The following CSMD3 variants were observed in gnomAD, a reference collection of about 807,000 sequenced individuals.
CSMD3 encodes the protein CUB and sushi domain-containing protein 3.
In CSMD3, 177 loss-of-function variants were observed where a neutral mutation model predicts 435.2. The ratio of observed to expected loss-of-function variants is 0.41; its 90% CI spans 0.36 to 0.46. The LOEUF (loss-of-function observed/expected upper bound fraction) is 0.46. Ranked by LOEUF, CSMD3 falls within the 20% of genes least tolerant of loss-of-function variation. The pLI is 0.34. For missense variants in CSMD3, 4,265 were observed against 4,504.6 expected (o/e 0.95, Z 1.52); for synonymous variants, 1,656 against 1,520.5 (o/e 1.09, Z -2.07).
At chr8:112,471,729 T>C (rs1307329482) in intron 32 of CSMD3, among the ~76,000 whole-genome samples, 1 of 152,192 alleles carries the variant, frequency 6.6e-6, no homozygotes. Context: ...CTATCTCTAA[T>C]GATAAAATCC....
intron 38 of CSMD3, among the ~76,000 whole-genome samples, chr8:112,360,711 T>C (rs1450160125): frequency 1.3e-5 from 2 of 151,958 alleles, no homozygotes; most frequent in African/African-American, 4.8e-5. Flanking sequence ...GCAGAAAATT[T>C]AGAAGTACAG....
intron 32 of CSMD3, among the ~76,000 whole-genome samples, chr8:112,459,359 G>T (rs1817199270): frequency 3.2e-5 from 3 of 93,606 alleles, no homozygotes; most frequent in Admixed American, 8.9e-5. Flanking sequence ...GTGTGTGTGT[G>T]GGGGGGGGGG....
chr8:112,567,826 T>A (rs1829181532), intron 24 of CSMD3, among the ~76,000 whole-genome samples: 1 of 152,114 alleles, frequency 6.6e-6, no homozygotes, highest in Non-Finnish European at 1.5e-5. Flanking sequence ...TAGAAGGAAG[T>A]AGTAATTTTC....
intron 37 of CSMD3, among the ~76,000 whole-genome samples, chr8:112,382,027 A>C (rs535387061): frequency 6.6e-6 from 1 of 152,162 alleles, no homozygotes; most frequent in African/African-American, 2.4e-5. Context: ...TTACAATCCC[A>C]GCTAATCAGG....
chr8:112,939,938 A>G (rs1021402925), intron 9 of CSMD3, among the ~76,000 whole-genome samples: 13 of 152,012 alleles, frequency 8.6e-5, no homozygotes, highest in African/African-American at 3.1e-4. Flanking sequence ...TGGTAAGGAA[A>G]GAACTGCCAC....
intron 11 of CSMD3, among the ~76,000 whole-genome samples, chr8:112,844,692 T>C (rs76528171): frequency 0.032 from 4,918 of 151,968 alleles, 98 homozygotes; most frequent in Middle Eastern, 0.054. Context: ...AGAGACACCA[T>C]TAGTCTTGGA....
chr8:112,263,012 T>C (rs1342778659), intron 61 of CSMD3, among the ~76,000 whole-genome samples: 1 of 152,102 alleles, frequency 6.6e-6, no homozygotes. Flanking sequence ...TGAATGACTA[T>C]ACTGTCCAGA....
chr8:112,911,231 C>A (rs1377943884), intron 10 of CSMD3, among the ~76,000 whole-genome samples: 1 of 150,476 alleles, frequency 6.6e-6, no homozygotes, highest in Non-Finnish European at 1.5e-5. Flanking sequence ...CATCTTCCTT[C>A]TTTTATATTT....
chr8:113,409,099 T>A (rs2094546496), intron 1 of CSMD3, among the ~76,000 whole-genome samples: 1 of 146,362 alleles, frequency 6.8e-6, no homozygotes, highest in Non-Finnish European at 1.5e-5. Context: ...TTTTTTTTTT[T>A]TTGAGATGGA....
intron 3 of CSMD3, among the ~76,000 whole-genome samples, chr8:113,179,814 ATT>A (rs1281840104): frequency 2.0e-5 from 3 of 151,522 alleles, no homozygotes; most frequent in African/African-American, 7.3e-5. Flanking sequence ...CTACCAAGAA[ATT>A]TTTAAAAAAA....
chr8:113,241,481 T>C (rs2093216437), intron 3 of CSMD3, among the ~76,000 whole-genome samples: 1 of 151,926 alleles, frequency 6.6e-6, no homozygotes, highest in South Asian at 2.1e-4. Flanking sequence ...GGTAGAATCT[T>C]AAATGTTCAG....
intron 6 of CSMD3, among the ~76,000 whole-genome samples, chr8:113,012,419 C>T (rs1156839788): frequency 6.6e-6 from 1 of 151,794 alleles, no homozygotes; most frequent in African/African-American, 2.4e-5. Context: ...CTCTGTGTCC[C>T]CACTCAAATA....
At chr8:112,305,965 C>T in intron 51 of CSMD3, 42 bp downstream of exon 51, 2 of 1,519,502 alleles carry the variant, frequency 1.3e-6, no homozygotes, top group East Asian at 2.3e-5. Context: ...ATATAAAATA[C>T]CAAGAGAAAA....
intron 10 of CSMD3, among the ~76,000 whole-genome samples, chr8:112,900,856 C>T (rs1311296120): frequency 2.0e-5 from 3 of 151,146 alleles, no homozygotes; most frequent in African/African-American, 7.3e-5. Flanking sequence ...CACTTTATTG[C>T]TGTTAATGAG....
At chr8:112,592,476 A>C (rs1292547659) in intron 22 of CSMD3, among the ~76,000 whole-genome samples, 1 of 152,038 alleles carries the variant, frequency 6.6e-6, no homozygotes, top group African/African-American at 2.4e-5. Flanking sequence ...ATTTCAAAAA[A>C]GTTTCATAGC....
intron 10 of CSMD3, among the ~76,000 whole-genome samples, chr8:112,874,280 G>C (rs2081218283): frequency 1.3e-5 from 2 of 152,130 alleles, no homozygotes; most frequent in Non-Finnish European, 2.9e-5. Context: ...GAGACTGTTT[G>C]TTATGATTTC....
At chr8:112,319,058 A>C (rs1822742522) in intron 46 of CSMD3, 108 bp from the exon 47 acceptor site, 2 of 743,324 alleles carry the variant, frequency 2.7e-6, no homozygotes, top group Non-Finnish European at 4.7e-6. Context: ...ATTTTCAATC[A>C]GTATAAAAAT....
At chr8:113,380,274 C>T (rs958704289) in intron 1 of CSMD3, among the ~76,000 whole-genome samples, 5 of 152,088 alleles carry the variant, frequency 3.3e-5, no homozygotes, top group African/African-American at 1.2e-4. Flanking sequence ...TCTAATTTAA[C>T]AGGACACTTC....
intron 10 of CSMD3, among the ~76,000 whole-genome samples, chr8:112,863,254 A>C (rs924814963): frequency 6.6e-6 from 1 of 151,962 alleles, no homozygotes; most frequent in African/African-American, 2.4e-5. Context: ...CTCACTCAAG[A>C]AAGATTTTCT....
Sources: gnomAD v4.1 joint callset for allele counts (sites outside exome capture counted in the v4.1 genomes callset) on GRCh38, gnomAD v4.1.1 for gene constraint, MANE v1.5 for transcripts, NCBI Gene and HGNC (gene_info 2026-07-23, HGNC 2026-07-21) for gene names.